DIP2C: variants seen among roughly 807,000 people sequenced by gnomAD.
The protein encoded by DIP2C is disco-interacting protein 2 homolog C.
In DIP2C, 33 loss-of-function variants were observed where a neutral mutation model predicts 192.4. The observed-to-expected ratio is 0.17, with a 90% CI of 0.13 to 0.23. DIP2C has a LOEUF of 0.23. DIP2C is among the 10% of genes least tolerant of loss of function. The pLI is 1.00. For missense variants in DIP2C, 1,537 were observed against 2,110.1 expected (o/e 0.73, Z 5.32); for synonymous variants, 979 against 864.1 (o/e 1.13, Z -2.33).
At chr10:555,924 C>CCTG (rs1012876247) in intron 1 of DIP2C, among the ~76,000 whole-genome samples, 19 of 152,102 alleles carry the variant, frequency 1.2e-4, no homozygotes, top group Non-Finnish European at 2.5e-4. Flanking sequence ...GTTGCCCGGC[C>CCTG]CTGCAGCAGC....
At chr10:527,330 C>G (rs1847111177) in intron 1 of DIP2C, among the ~76,000 whole-genome samples, 1 of 152,242 alleles carries the variant, frequency 6.6e-6, no homozygotes, top group Admixed American at 6.5e-5. Flanking sequence ...CTGCTCCACA[C>G]ACCTCAGCAA....
At chr10:359,632 G>A (rs999070445) in intron 22 of DIP2C, among the ~76,000 whole-genome samples, 2 of 152,132 alleles carry the variant, frequency 1.3e-5, no homozygotes, top group Admixed American at 1.3e-4. Flanking sequence ...TGGAAGGAAG[G>A]GAGCTGCCCC....
chr10:558,680 G>T lies in DIP2C; in HGVS notation c.86-72150C>A, dbSNP rs375978093. On this transcript the variant is annotated intron_variant, in intron 1 of 36. Transcript: ENST00000280886. ...CTGAGAAGGTGTGGACCAACATCTCGGAAATCAGACACTGTAACATGCTTA... is the reference window on the plus strand; with the variant it reads ...CTGAGAAGGTGTGGACCAACATCTCTGAAATCAGACACTGTAACATGCTTA... Among the ~76,000 whole-genome samples, 49 of 152,260 alleles carry T rather than the reference G, an allele frequency of 3.2e-4. No individual in the cohort carries two copies. In the South Asian group the frequency reaches 3.9e-3, roughly 12 times the overall value.
At chr10:672,570 C>T (rs1353205736) in intron 1 of DIP2C, among the ~76,000 whole-genome samples, 1 of 152,220 alleles carries the variant, frequency 6.6e-6, no homozygotes, top group Non-Finnish European at 1.5e-5. Flanking sequence ...CAGAAGGGCA[C>T]TTCACTTCGA....
At chr10:569,135 G>C (rs1411964632) in intron 1 of DIP2C, among the ~76,000 whole-genome samples, 2 of 152,208 alleles carry the variant, frequency 1.3e-5, no homozygotes, top group Non-Finnish European at 2.9e-5. Flanking sequence ...AACCAGAAGT[G>C]ATTTTTACAC....
intron 1 of DIP2C, among the ~76,000 whole-genome samples, chr10:609,004 G>A (rs918001200): frequency 1.3e-5 from 2 of 151,618 alleles, no homozygotes; most frequent in Admixed American, 6.6e-5. Flanking sequence ...CTACACAGAA[G>A]AAAACCCTAT....
At chr10:407,073 C>T (rs950382618) in intron 9 of DIP2C, among the ~76,000 whole-genome samples, 1 of 152,286 alleles carries the variant, frequency 6.6e-6, no homozygotes, top group Admixed American at 6.5e-5. Flanking sequence ...TTGGGGAGAC[C>T]GATTTGAGAA....
intron 1 of DIP2C, among the ~76,000 whole-genome samples, chr10:561,896 C>T (rs1444034656): frequency 3.3e-5 from 5 of 152,256 alleles, no homozygotes; most frequent in African/African-American, 7.2e-5. Flanking sequence ...GCACGAGTCA[C>T]GCGTGACAGC....
chr10:596,074 G>T (rs986895819), intron 1 of DIP2C, among the ~76,000 whole-genome samples: 1 of 152,112 alleles, frequency 6.6e-6, no homozygotes. Context: ...CTGCTCAAAC[G>T]GATAACTCCT....
Position 389,996 on chromosome 10 carries a change from G to A in DIP2C, c.1592C>T (p.Thr531Met), listed in dbSNP as rs367798867. 3.1e-6 allele frequency: 5 copies of A among 1,612,858 alleles called. No homozygotes were observed. Among genetic ancestry groups the A allele is most frequent in the Admixed American group, 1.7e-5 (1 of 59,890 alleles). Residue 531 changes from threonine (T) to methionine (M), a missense_variant, in exon 13 of 37, where the codon ACG becomes ATG. This residue lies in a region of DIP2C where 677 missense variants were observed against 989.9 expected (regional missense o/e 0.68). Transcript: ENST00000280886. ...CQALTQACGY[T>M]EAETIVNVLD... ...GTCAGGGTCTGGCACCCCACCTTCC[G>A]TGTAGCCACACGCCTGCGTCAGGGC...
At chr10:602,868 C>T (rs561458320) in intron 1 of DIP2C, among the ~76,000 whole-genome samples, 127 of 152,228 alleles carry the variant, frequency 8.3e-4, no homozygotes, top group Non-Finnish European at 1.5e-3. Flanking sequence ...TGGGTGAGGC[C>T]GGACAGCAAC....
At chr10:384,920 G>A (rs1404303074) in intron 14 of DIP2C, among the ~76,000 whole-genome samples, 7 of 150,972 alleles carry the variant, frequency 4.6e-5, no homozygotes, top group Admixed American at 1.3e-4. Flanking sequence ...CTCAGGGAGC[G>A]CCGCGGACAC....
Position 662,053 on chromosome 10 carries a change from C to T in DIP2C, c.85+27441G>A, listed in dbSNP as rs1273621012. 4.2e-6 allele frequency: 3 copies of T among 717,024 alleles called. No individual in the cohort carries two copies. In the East Asian group the frequency reaches 8.0e-5, roughly 19 times the overall value. 44.4% of individuals were successfully genotyped at this position (717,024 alleles called of 1,614,324 possible). On this transcript the variant is annotated intron_variant, in intron 1 of 36. Coordinates refer to ENST00000280886, the MANE Select transcript of DIP2C (RefSeq NM_014974.3). ...GCCTGGCCTGTCCCCCGTGGCTCCA[C>T]AGCATACCGCACATCAAAGGCACGA... is the stretch of plus-strand genomic sequence containing the variant.
intron 1 of DIP2C, among the ~76,000 whole-genome samples, chr10:591,169 G>A (rs908258011): frequency 7.8e-4 from 118 of 152,240 alleles, no homozygotes; most frequent in African/African-American, 2.5e-3. Context: ...GTCACCCAGG[G>A]TGGAGTGGAG....
rs561368665 is a variant in DIP2C at position 661,481 on chromosome 10, C to G, written c.85+28013G>C. ...CGTGACCCCCAGGCTCTGGCTGCTCCCAGGAATCAGGGCCACCAGGCTCCC... is the reference window on the plus strand; with the variant it reads ...CGTGACCCCCAGGCTCTGGCTGCTCGCAGGAATCAGGGCCACCAGGCTCCC... On this transcript the variant is annotated intron_variant, in intron 1 of 36. Coordinates refer to ENST00000280886, the MANE Select transcript of DIP2C (RefSeq NM_014974.3). 6.6e-5 allele frequency among the ~76,000 whole-genome samples: 10 copies of G among 152,314 alleles called. No homozygotes were observed. In the East Asian group the frequency reaches 1.9e-3, roughly 29 times the overall value.
chr10:375,950 G>C (rs1246036502), intron 17 of DIP2C, among the ~76,000 whole-genome samples: 1 of 152,158 alleles, frequency 6.6e-6, no homozygotes, highest in Non-Finnish European at 1.5e-5. Context: ...AGAGAAGAAA[G>C]AGTTAAGCTG....
chr10:414,843 C>CAT (rs1473315737), intron 7 of DIP2C, among the ~76,000 whole-genome samples: 1 of 110,742 alleles, frequency 9.0e-6, no homozygotes, highest in Non-Finnish European at 1.8e-5. Flanking sequence ...TATACACACA[C>CAT]ATATATATTT....
In DIP2C at chr10:363,229, C is replaced by A; in HGVS notation, c.2560G>T (p.Asp854Tyr). Residue 854 changes from aspartate (D) to tyrosine (Y), a missense_variant, in exon 21 of 37, where the codon GAC (aspartate) becomes TAC (tyrosine). Around this residue, in one of 4 missense-constraint regions of DIP2C, gnomAD observed 677 missense variants for 989.9 expected, o/e 0.68. Transcript: ENST00000280886. The surrounding 1 kb of genome is among the most constrained non-coding windows in gnomAD (Gnocchi z 5.4). ...ACACGGCTCATCCACTGGAAACTGT[C>A]CTCTTCCGTGGAGTCAGGCCTCTGC... is the stretch of plus-strand genomic sequence containing the variant. ...AEQRPDSTEEDSFQWMSRVLQ... is the reference protein window; with the variant it reads ...AEQRPDSTEEYSFQWMSRVLQ... 1 of 1,613,738 alleles carries A rather than the reference C, an allele frequency of 6.2e-7. No homozygotes were observed. The highest frequency in any genetic ancestry group is 2.2e-5 in the East Asian group (1 of 44,882).
intron 6 of DIP2C, among the ~76,000 whole-genome samples, chr10:417,345 C>T (rs1007041706): frequency 6.6e-6 from 1 of 152,084 alleles, no homozygotes; most frequent in Non-Finnish European, 1.5e-5. Context: ...CAGGATTTAC[C>T]TGGGGAACAA....
Sources: allele counts gnomAD v4.1 joint callset (sites outside exome capture counted in the v4.1 genomes callset), GRCh38; gene constraint gnomAD v4.1.1; regional missense constraint gnomAD v4.1.1; non-coding constraint Gnocchi (gnomAD v3.1); transcripts MANE v1.5; gene names NCBI Gene and HGNC (gene_info 2026-07-23, HGNC 2026-07-21).